LAMA2: variants seen among roughly 807,000 people sequenced by gnomAD.
LAMA2 encodes the protein laminin subunit alpha 2, also known as laminin subunit alpha-2.
Under a neutral mutation model 364.8 loss-of-function variants are expected in LAMA2, and 269 were observed. That is an observed-to-expected ratio of 0.74 (90% CI 0.67 to 0.82). The LOEUF (loss-of-function observed/expected upper bound fraction) is 0.82, where lower values mean the gene tolerates loss of function less well. Ranked by LOEUF, LAMA2 falls within the 40% of genes least tolerant of loss-of-function variation. The pLI, the probability that LAMA2 is intolerant of heterozygous loss-of-function variation, is 0.00. For missense variants in LAMA2, 3,807 were observed against 3,873.2 expected, an observed-to-expected ratio of 0.98 and a Z score of 0.45; for synonymous variants, 1,379 against 1,370.6, an observed-to-expected ratio of 1.01 and a Z score of -0.14.
At position 129,353,964 on chromosome 6, in the gene LAMA2, A is replaced by G. The variant is rs1777012735; in HGVS notation, c.4717+607A>G. On this transcript the variant is annotated intron_variant, in intron 32 of 64. Coordinates refer to ENST00000421865, the MANE Select transcript of LAMA2 (RefSeq NM_000426.4). ...TACTGATTCTGGATTCGCTAGTGCC[A>G]TATTGAAAGTACATTGAAATCAGTA... is the stretch of plus-strand genomic sequence containing the variant. 3.3e-5 allele frequency among the ~76,000 whole-genome samples: 5 copies of G among 152,206 alleles called. No individual in the cohort carries two copies. In the South Asian group the frequency reaches 6.2e-4, roughly 19 times the overall value.
At chr6:129,330,592 G>GTTTTTTTTTTTTTTTTTTTTT (rs1406358715) in intron 29 of LAMA2, among the ~76,000 whole-genome samples, 1 of 78,530 alleles carries the variant, frequency 1.3e-5, no homozygotes, top group African/African-American at 5.1e-5. Flanking sequence ...TTGTTGTTTG[G>GTTTTTTTTTTTTTTTTTTTTT]TTTTTGTTTT....
intron 22 of LAMA2, among the ~76,000 whole-genome samples, chr6:129,301,435 T>C (rs974383588): frequency 6.6e-6 from 1 of 152,082 alleles, no homozygotes; most frequent in African/African-American, 2.4e-5. Context: ...GAAATATTAA[T>C]AAGAGATGCC....
intron 51 of LAMA2, among the ~76,000 whole-genome samples, chr6:129,469,321 A>T (rs1783696241): frequency 6.6e-6 from 1 of 151,956 alleles, no homozygotes; most frequent in African/African-American, 2.4e-5. Flanking sequence ...TAGTCTAGGC[A>T]GGAGGTAAAT....
intron 4 of LAMA2, among the ~76,000 whole-genome samples, chr6:129,116,421 C>A (rs761814647): frequency 2.0e-5 from 3 of 152,052 alleles, no homozygotes; most frequent in Non-Finnish European, 2.9e-5. Context: ...AAATTATTCA[C>A]CTTAAAAGAT....
chr6:129,256,763 C>CGCAT (rs1554257717), intron 14 of LAMA2, among the ~76,000 whole-genome samples: 1 of 87,956 alleles, frequency 1.1e-5, no homozygotes, highest in Non-Finnish European at 2.3e-5. Context: ...AATTATATAG[C>CGCAT]ATATATATAT....
At chr6:129,074,593 GT>G (rs1378714527) in intron 3 of LAMA2, among the ~76,000 whole-genome samples, 1 of 151,966 alleles carries the variant, frequency 6.6e-6, no homozygotes, top group Non-Finnish European at 1.5e-5. Context: ...AGCTTTTATG[GT>G]TGTTGTCTTT....
At position 129,274,431 on chromosome 6, in the gene LAMA2, G is replaced by A. The variant is rs548052089; in HGVS notation, c.2450+3680G>A. Among the ~76,000 whole-genome samples, 175 of 151,564 alleles carry A rather than the reference G, an allele frequency of 1.2e-3. 1 individual carries two copies. The highest frequency in any genetic ancestry group is 3.9e-3 in the African/African-American group (162 of 41,428). On this transcript the variant is annotated intron_variant, in intron 17 of 64. Coordinates refer to ENST00000421865, the MANE Select transcript of LAMA2 (RefSeq NM_000426.4). ...AGGTTATTCAGAGAAAAAAAAAAAG[G>A]GAGCTAAAGGTTGACGCAACCTTCA...
chr6:129,246,318 C>T (rs1261627386), intron 12 of LAMA2, among the ~76,000 whole-genome samples: 1 of 152,154 alleles, frequency 6.6e-6, no homozygotes, highest in Non-Finnish European at 1.5e-5. Context: ...AAACATGGCT[C>T]AAAATGTTGA....
chr6:129,320,284 G>C (rs1388738674), intron 27 of LAMA2, among the ~76,000 whole-genome samples: 3 of 152,024 alleles, frequency 2.0e-5, no homozygotes, highest in Non-Finnish European at 4.4e-5. Context: ...AGAAGAGGAG[G>C]GATTGGTCCT....
At chr6:129,144,451 T>C (rs1020680500) in intron 5 of LAMA2, among the ~76,000 whole-genome samples, 2 of 152,124 alleles carry the variant, frequency 1.3e-5, no homozygotes, top group South Asian at 2.1e-4. Flanking sequence ...GGCGAGTTAC[T>C]ACTGGAAGTG....
intron 1 of LAMA2, among the ~76,000 whole-genome samples, chr6:129,024,342 C>T (rs2114720583): frequency 6.7e-6 from 1 of 149,348 alleles, no homozygotes; most frequent in South Asian, 2.1e-4. Context: ...GGAACATATT[C>T]AACCCAATCA....
intron 12 of LAMA2, among the ~76,000 whole-genome samples, chr6:129,239,755 A>G (rs1785264032): frequency 1.3e-5 from 2 of 152,158 alleles, no homozygotes; most frequent in African/African-American, 4.8e-5. Flanking sequence ...GGCTCAAGCA[A>G]TCCTCCTGCC....
chr6:129,225,477 A>C (rs1268676582), intron 12 of LAMA2, among the ~76,000 whole-genome samples: 3 of 152,192 alleles, frequency 2.0e-5, no homozygotes, highest in Non-Finnish European at 4.4e-5. Flanking sequence ...ATTTAGTGCT[A>C]TAAATTTCCC....
intron 36 of LAMA2, among the ~76,000 whole-genome samples, chr6:129,392,235 A>C (rs373992169): frequency 3.3e-5 from 5 of 152,214 alleles, no homozygotes; most frequent in African/African-American, 1.2e-4. Context: ...TAACGCACTC[A>C]ATAAAATAGA....
chr6:129,399,135 C>T (rs1000232798), intron 37 of LAMA2, among the ~76,000 whole-genome samples: 6 of 152,002 alleles, frequency 3.9e-5, no homozygotes, highest in African/African-American at 9.6e-5. Context: ...TAGCAACTCC[C>T]GGCAAAAGTA....
intron 40 of LAMA2, among the ~76,000 whole-genome samples, chr6:129,407,238 C>T (rs1401860998): frequency 6.6e-6 from 1 of 152,118 alleles, no homozygotes; most frequent in Non-Finnish European, 1.5e-5. Flanking sequence ...ATCGTTCAAT[C>T]CAATCAAGCT....
rs544271722 is a variant in LAMA2 at position 129,066,038 on chromosome 6, G to GTTTTTTTTTTTTTTTTT, written c.396+6151_396+6167dup. Among the ~76,000 whole-genome samples, 34 of 37,106 alleles carry GTTTTTTTTTTTTTTTTT rather than the reference G, an allele frequency of 9.2e-4. 6 individuals are homozygous for GTTTTTTTTTTTTTTTTT. Among genetic ancestry groups the GTTTTTTTTTTTTTTTTT allele is most frequent in the African/African-American group, 2.9e-3 (34 of 11,694 alleles). The allele number at this position is 37,106 out of a possible 152,430, so 24.3% of individuals were successfully genotyped here. On this transcript the variant is annotated intron_variant, in intron 3 of 64. Coordinates refer to ENST00000421865, the MANE Select transcript of LAMA2 (RefSeq NM_000426.4). ...TCTTTTGTAAATTGCCCAGTCTCAGGTTTTTTTTTTTTTTTTTTTTTTTTT... is the reference window on the plus strand; with the variant it reads ...TCTTTTGTAAATTGCCCAGTCTCAGGTTTTTTTTTTTTTTTTTTTTTTTTTTTTTTTTTTTTTTTTTT...
intron 43 of LAMA2, 94 bp downstream of exon 43, chr6:129,441,092 C>T: frequency 1.8e-6 from 2 of 1,090,780 alleles, no homozygotes; most frequent in Non-Finnish European, 1.4e-6. Flanking sequence ...GAAAGACCCT[C>T]ATGGTGGTGT....
intron 7 of LAMA2, among the ~76,000 whole-genome samples, chr6:129,151,214 T>C (rs1778772736): frequency 6.6e-6 from 1 of 152,162 alleles, no homozygotes; most frequent in Non-Finnish European, 1.5e-5. Context: ...GAGTGTGTGA[T>C]GGACCGTTTA....
Sources: allele counts gnomAD v4.1 joint callset (sites outside exome capture counted in the v4.1 genomes callset), GRCh38; gene constraint gnomAD v4.1.1; transcripts MANE v1.5; gene names NCBI Gene and HGNC (gene_info 2026-07-23, HGNC 2026-07-21).